Variants in CCDC7 observed in about 807,000 individuals in gnomAD.
The protein encoded by CCDC7 is coiled-coil domain containing 7, also known as coiled-coil domain-containing protein 7.
A neutral mutation model predicts 196.9 loss-of-function variants in CCDC7; 183 were observed. That is an observed-to-expected ratio of 0.93 (90% CI 0.82 to 1.05). The LOEUF (loss-of-function observed/expected upper bound fraction) is 1.05, where lower values mean the gene tolerates loss of function less well. Among genes scored for constraint, CCDC7 ranks in the 50% least tolerant of loss-of-function variants. The pLI is 0.00. For missense variants in CCDC7, 1,540 were observed against 1,482.2 expected, an observed-to-expected ratio of 1.04 and a Z score of -0.64; for synonymous variants, 525 against 484.6, an observed-to-expected ratio of 1.08 and a Z score of -1.10.
intron 11 of CCDC7, among the ~76,000 whole-genome samples, chr10:32,534,946 A>T (rs930955148): frequency 6.6e-6 from 1 of 151,856 alleles, no homozygotes; most frequent in Non-Finnish European, 1.5e-5. Flanking sequence ...GGAACCCAGC[A>T]TTGGTGGGAA....
At chr10:32,550,828 A>G (rs1005329497) in intron 13 of CCDC7, among the ~76,000 whole-genome samples, 5 of 152,082 alleles carry the variant, frequency 3.3e-5, no homozygotes, top group Non-Finnish European at 5.9e-5. Flanking sequence ...TTTAGCATCT[A>G]TGTTCATCAG....
At chr10:32,489,364 AC>A (rs2041800307) in intron 8 of CCDC7, among the ~76,000 whole-genome samples, 1 of 152,158 alleles carries the variant, frequency 6.6e-6, no homozygotes, top group African/African-American at 2.4e-5. Flanking sequence ...ATGTGGTCAC[AC>A]CTGGAGAGCA....
At chr10:32,472,725 A>G (rs2038198550) in intron 7 of CCDC7, among the ~76,000 whole-genome samples, 183 bp downstream of exon 8, 1 of 151,684 alleles carries the variant, frequency 6.6e-6, no homozygotes, top group Non-Finnish European at 1.5e-5. Context: ...CTTTTGAGGT[A>G]GCTAGGACCA....
chr10:32,623,911 G>A, intron 18 of CCDC7: 1 of 400,792 alleles, frequency 2.5e-6, no homozygotes, highest in South Asian at 1.9e-5. Context: ...TTCTTCCCAA[G>A]GGGATGGTGC....
At chr10:32,844,981 A>T (rs1185981330) in intron 33 of CCDC7, among the ~76,000 whole-genome samples, 1 of 151,830 alleles carries the variant, frequency 6.6e-6, no homozygotes, top group Admixed American at 6.6e-5. Flanking sequence ...CTATTGGAAG[A>T]GGTATAATAA....
chr10:32,646,140 G>GT (rs201345110), intron 20 of CCDC7, among the ~76,000 whole-genome samples: 286 of 141,026 alleles, frequency 2.0e-3, no homozygotes, highest in Middle Eastern at 0.015. Context: ...GTTCTTTCTA[G>GT]TTTTTTTTCA....
At chr10:32,601,285 G>A (rs1197196430) in intron 18 of CCDC7, among the ~76,000 whole-genome samples, 1 of 152,256 alleles carries the variant, frequency 6.6e-6, no homozygotes, top group East Asian at 1.9e-4. Flanking sequence ...TGACCAGGCT[G>A]GTCTCAAACT....
chr10:32,737,806 G>C (rs2085118340), intron 28 of CCDC7, among the ~76,000 whole-genome samples: 1 of 152,068 alleles, frequency 6.6e-6, no homozygotes, highest in Admixed American at 6.6e-5. Context: ...TTCTTGCTCT[G>C]AAGTCCACAT....
At chr10:32,571,663 G>A (rs1346188849) in intron 15 of CCDC7, among the ~76,000 whole-genome samples, 196 bp from the exon 17 acceptor site, 2 of 151,930 alleles carry the variant, frequency 1.3e-5, no homozygotes, top group Admixed American at 6.6e-5. Flanking sequence ...AAATATAAGT[G>A]TAATTTTAGG....
At chr10:32,730,613 C>G (rs2083802634) in intron 28 of CCDC7, among the ~76,000 whole-genome samples, 1 of 151,694 alleles carries the variant, frequency 6.6e-6, no homozygotes, top group Admixed American at 6.6e-5. Context: ...AACAGAACAG[C>G]TTTTATATGC....
chr10:32,537,378 T>A (rs529672372), intron 11 of CCDC7, among the ~76,000 whole-genome samples: 1 of 152,320 alleles, frequency 6.6e-6, no homozygotes, highest in Admixed American at 6.5e-5. Flanking sequence ...TTTAAGTTCC[T>A]TATAGATTCT....
intron 21 of CCDC7, among the ~76,000 whole-genome samples, chr10:32,672,468 T>C (rs2074237422): frequency 6.6e-6 from 1 of 152,040 alleles, no homozygotes; most frequent in African/African-American, 2.4e-5. Context: ...ACTTGCAGAG[T>C]GGCTATGTTT....
intron 39 of CCDC7, among the ~76,000 whole-genome samples, chr10:32,850,668 G>A (rs1027742890): frequency 3.9e-5 from 6 of 152,072 alleles, no homozygotes; most frequent in African/African-American, 1.5e-4. Flanking sequence ...TGGCATCAGT[G>A]CCAAAGACCA....
intron 28 of CCDC7, among the ~76,000 whole-genome samples, chr10:32,752,750 T>A (rs1162086104): frequency 1.3e-5 from 2 of 152,308 alleles, no homozygotes; most frequent in South Asian, 4.1e-4. Context: ...ATATTACATA[T>A]CTGTACCCAT....
chr10:32,626,499 C>A (rs2064065148), intron 18 of CCDC7, among the ~76,000 whole-genome samples: 1 of 151,730 alleles, frequency 6.6e-6, no homozygotes, highest in African/African-American at 2.4e-5. Context: ...ATGTTTTCTC[C>A]TAATTCATAG....
chr10:32,500,190 G>A lies in CCDC7; in HGVS notation c.872+8193G>A, dbSNP rs563299294. Among the ~76,000 whole-genome samples, 178 of 151,318 alleles carry A rather than the reference G, an allele frequency of 1.2e-3. 1 individual carries two copies. Among genetic ancestry groups the A allele is most frequent in the African/African-American group, 4.1e-3 (168 of 41,286 alleles). On this transcript the variant is annotated intron_variant, in intron 9 of 41. Transcript: ENST00000639629. ...CCAGACGGGGCGGCTGGGCAGAGGC[G>A]CCCCCCACCTCCCGGATGGGGCGGC...
intron 28 of CCDC7, among the ~76,000 whole-genome samples, chr10:32,763,976 AAAG>A (rs1305775059): frequency 2.0e-5 from 3 of 152,048 alleles, no homozygotes; most frequent in African/African-American, 7.2e-5. Flanking sequence ...CTCACTATAA[AAAG>A]GGATATGTGA....
downstream of CCDC7, among the ~76,000 whole-genome samples, chr10:32,881,436 G>A (rs1300358282): frequency 6.6e-6 from 1 of 152,072 alleles, no homozygotes; most frequent in African/African-American, 2.4e-5. Context: ...AGGAATAAGT[G>A]GTGTTGATCA....
chr10:32,779,085 G>T lies in CCDC7; in HGVS notation c.3013+1G>T, dbSNP rs767164317. ...CAATTTGATTTAAACAAAGTGGTCG[G>T]TAAGTATAGATTTATGTTTGGATAC... On this transcript the variant is annotated splice_donor_variant, in intron 29 of 41. Transcript: ENST00000639629. LOFTEE classifies it high-confidence loss of function. 1 of 1,533,004 alleles carries T rather than the reference G, an allele frequency of 6.5e-7. No homozygotes were observed. The highest frequency in any genetic ancestry group is 8.8e-7 in the Non-Finnish European group (1 of 1,131,632). 95.0% of individuals were successfully genotyped at this position (1,533,004 alleles called of 1,614,324 possible). A position where few individuals can be genotyped will look rare whatever the true frequency, so the allele number is the denominator to read the frequency against.
Sources: allele counts gnomAD v4.1 joint callset (sites outside exome capture counted in the v4.1 genomes callset), GRCh38; gene constraint gnomAD v4.1.1; transcripts MANE v1.5; gene names NCBI Gene and HGNC (gene_info 2026-07-23, HGNC 2026-07-21).